Variants in TLE6 observed in about 807,000 individuals in gnomAD.
TLE6 encodes the protein TLE family member 6, subcortical maternal complex member.
In TLE6, 72 loss-of-function variants were observed where a neutral mutation model predicts 77.1. The ratio of observed to expected loss-of-function variants is 0.93; its 90% CI spans 0.77 to 1.14. The LOEUF is 1.14. Ranked by LOEUF, TLE6 falls within the 50% of genes most tolerant of loss-of-function variation. The pLI is 0.00. For missense variants in TLE6, 843 were observed against 747.6 expected (o/e 1.13, Z -1.49); for synonymous variants, 366 against 287.3 (o/e 1.27, Z -2.77).
At position 2,994,006 on chromosome 19, in the gene TLE6, C is replaced by T. The variant is rs1442129480; in HGVS notation, c.1538-13C>T. Reference sequence around the variant, plus strand: ...AGTGGTTCTAAGTCTCGCTGATGCTCCATTTCTCCCAGGCCAGTGGTGGGC... The same window carrying T: ...AGTGGTTCTAAGTCTCGCTGATGCTTCATTTCTCCCAGGCCAGTGGTGGGC... On this transcript the variant is annotated splice_polypyrimidine_tract_variant and intron_variant, in intron 15 of 16. Transcript: ENST00000246112. 6.3e-7 allele frequency: 1 copy of T among 1,599,410 alleles called. No homozygotes were observed. The highest frequency in any genetic ancestry group is 8.5e-7 in the Non-Finnish European group (1 of 1,173,912).
intron 2 of TLE6, 92 bp from the exon 3 acceptor site, chr19:2,980,008 A>G: frequency 1.0e-6 from 1 of 975,260 alleles, no homozygotes; most frequent in African/African-American, 1.7e-5. Context: ...TTTTGCACCA[A>G]CCTAATGCCT....
intron 2 of TLE6, 60 bp downstream of exon 2, chr19:2,978,344 G>A (rs1452071078): frequency 2.0e-6 from 3 of 1,531,110 alleles, no homozygotes; most frequent in South Asian, 2.4e-5. Flanking sequence ...ATGTGGTTCT[G>A]CCCCTTTTCC....
At chr19:2,977,476 T>G (rs1599144942), upstream of TLE6, 1 of 129,656 alleles carries the variant, frequency 7.7e-6, no homozygotes, top group African/African-American at 2.8e-5. Context: ...AGGTGGCGGC[T>G]GGGTGGGGCC....
chr19:2,992,014 C>T (rs759621955), intron 14 of TLE6, 30 bp downstream of exon 14: 2 of 1,608,756 alleles, frequency 1.2e-6, no homozygotes, highest in Non-Finnish European at 1.7e-6. Flanking sequence ...GTCTGCTTGG[C>T]CAGGCATCCT....
intron 5 of TLE6, among the ~76,000 whole-genome samples, 158 bp from the exon 6 acceptor site, chr19:2,986,671 A>C (rs2088917781): frequency 6.6e-6 from 1 of 152,158 alleles, no homozygotes. Flanking sequence ...CCGAGATTGC[A>C]CCACTGCACT....
At chr19:2,986,358 G>T (rs781091420) in intron 5 of TLE6, among the ~76,000 whole-genome samples, 2 of 152,022 alleles carry the variant, frequency 1.3e-5, no homozygotes, top group Non-Finnish European at 2.9e-5. Context: ...TGAGGGTGCA[G>T]TGAGCTGTAA....
rs369921583 is a variant in TLE6, at chr19:2,986,814, C to G, written c.223-15C>G. ...GCAACAACATTTAACTGTTTTGCTGCCAACCTCCTTCTAGATAGGAAACGT... is the reference window on the plus strand; with the variant it reads ...GCAACAACATTTAACTGTTTTGCTGGCAACCTCCTTCTAGATAGGAAACGT... On this transcript the variant is annotated splice_polypyrimidine_tract_variant and intron_variant, in intron 5 of 16. Transcript: ENST00000246112. 1 of 1,551,370 alleles carries G rather than the reference C, an allele frequency of 6.4e-7. No individual in the cohort carries two copies. Among genetic ancestry groups the G allele is most frequent in the African/African-American group, 1.4e-5 (1 of 73,038 alleles).
chr19:2,987,770 C>T lies in TLE6; in HGVS notation c.605C>T (p.Pro202Leu). ...GGATCCTGTGACCCAGGAACAGACC[C>T]ATGTCCTGAAGATGCCTCCAGTAAT... ...APGSCDPGTD[P>L]CPEDASTPRP... The change falls in exon 9 of 17, where the codon CCA becomes CTA. Residue 202 changes from proline to leucine, a missense_variant. Transcript: ENST00000246112. 6.2e-7 allele frequency: 1 copy of T among 1,614,154 alleles called. No homozygotes were observed. Among genetic ancestry groups the T allele is most frequent in the East Asian group, 2.2e-5 (1 of 44,890 alleles).
Position 2,988,464 on chromosome 19 carries a change from G to C in TLE6, c.740+336G>C, listed in dbSNP as rs531797096. 2.0e-5 allele frequency among the ~76,000 whole-genome samples: 3 copies of C among 152,306 alleles called. No individual in the cohort carries two copies. The East Asian group carries it at 5.8e-4, about 29-fold the overall frequency. On this transcript the variant is annotated intron_variant, in intron 11 of 16. Transcript: ENST00000246112. ...ACAAAAAAAATTAGCCAGGCGTGGT[G>C]GTGGGTGCCTTTAGTCCCAGCTACT...
rs748004033 is a variant in TLE6, at chr19:2,987,925, G to T, written c.653G>T (p.Ser218Ile). ...CCCAGGCCACCTGAGGCCTCCTCCAGTCCCCCTGAGGGTTCCCAAGACAGG... is the reference window on the plus strand; with the variant it reads ...CCCAGGCCACCTGAGGCCTCCTCCATTCCCCCTGAGGGTTCCCAAGACAGG... Reference protein sequence around the residue: ...STPRPPEASSSPPEGSQDRNT... With the variant: ...STPRPPEASSIPPEGSQDRNT... The change falls in exon 10 of 17, where the codon AGT becomes ATT. Residue 218 changes from serine to isoleucine, a missense_variant. Physicochemically the swap from Ser to Ile is moderately radical, Grantham distance 142. Transcript: ENST00000246112. The T allele has an allele frequency of 1.9e-6, 3 of 1,610,148 alleles. No homozygotes were observed. In the South Asian group the frequency reaches 3.3e-5, roughly 18 times the overall value.
chr19:2,979,212 A>G (rs1001689005), intron 2 of TLE6, among the ~76,000 whole-genome samples: 1 of 151,938 alleles, frequency 6.6e-6, no homozygotes, highest in African/African-American at 2.4e-5. Context: ...TCAGCCTCCC[A>G]AAGTGCTGGG....
At chr19:2,981,504 A>G (rs2088797097) in intron 3 of TLE6, 34 bp from the exon 4 acceptor site, 2 of 1,550,996 alleles carry the variant, frequency 1.3e-6, no homozygotes, top group East Asian at 2.4e-5. Flanking sequence ...TCCTGAAGCC[A>G]CAGGTCTTCC....
chr19:2,979,467 A>C (rs2088750692), intron 2 of TLE6, among the ~76,000 whole-genome samples: 2 of 149,672 alleles, frequency 1.3e-5, no homozygotes, highest in Admixed American at 1.3e-4. Flanking sequence ...GGGTTGTCTC[A>C]AACTCCTGAC....
intron 1 of TLE6, 61 bp from the exon 2 acceptor site, chr19:2,978,137 G>T (rs445657): frequency 7.6e-5 from 103 of 1,348,062 alleles, no homozygotes; most frequent in Non-Finnish European, 9.2e-5. Flanking sequence ...CGGGTGCCTT[G>T]CTTCCCTGGC....
intron 1 of TLE6, 35 bp from the exon 2 acceptor site, chr19:2,978,163 G>T (rs961976360): frequency 6.7e-7 from 1 of 1,497,166 alleles, no homozygotes; most frequent in Non-Finnish European, 9.1e-7. Context: ...CTTATTTTCT[G>T]TCCCTCAAGA....
intron 16 of TLE6, among the ~76,000 whole-genome samples, 174 bp from the exon 17 acceptor site, chr19:2,994,726 T>G (rs1042907626): frequency 6.6e-5 from 10 of 151,990 alleles, no homozygotes; most frequent in Non-Finnish European, 1.3e-4. Context: ...ATTGTGTGAG[T>G]CCAGGAGGTC....
intron 5 of TLE6, among the ~76,000 whole-genome samples, chr19:2,985,533 C>G (rs1652958548): frequency 6.8e-6 from 1 of 147,494 alleles, no homozygotes; most frequent in African/African-American, 2.5e-5. Context: ...CTCAGCCTCC[C>G]GAGTAGCTGG....
intron 2 of TLE6, among the ~76,000 whole-genome samples, chr19:2,979,831 G>A (rs985664043): frequency 1.2e-4 from 18 of 150,466 alleles, no homozygotes; most frequent in Non-Finnish European, 2.2e-4. Flanking sequence ...GGAGGGGGGC[G>A]CGGGCGCATG....
Position 2,993,418 on chromosome 19 carries a change from T to A in TLE6, c.1387-14T>A, listed in dbSNP as rs2089129690. 1 of 1,592,530 alleles carries A rather than the reference T, an allele frequency of 6.3e-7. No homozygotes were observed. Among genetic ancestry groups the A allele is most frequent in the East Asian group, 2.3e-5 (1 of 43,642 alleles). On this transcript the variant is annotated splice_polypyrimidine_tract_variant and intron_variant, in intron 14 of 16. Coordinates refer to ENST00000246112, the MANE Select transcript of TLE6 (RefSeq NM_001143986.2). ...CCTAACCAGGTTCCTCCCTCCCCAC[T>A]GCCCATTACCTAGATAATGAGCCTG...
Sources: allele counts gnomAD v4.1 joint callset (sites outside exome capture counted in the v4.1 genomes callset), GRCh38; gene constraint gnomAD v4.1.1; transcripts MANE v1.5; gene names NCBI Gene and HGNC (gene_info 2026-07-23, HGNC 2026-07-21).